The following SUPT3H variants were observed in gnomAD, a reference collection of about 807,000 sequenced individuals.
The protein encoded by SUPT3H is SPT3 homolog, SAGA and STAGA complex component.
A neutral mutation model predicts 44.3 loss-of-function variants in SUPT3H; 44 were observed. The ratio of observed to expected loss-of-function variants is 0.99; its 90% CI spans 0.78 to 1.28. The LOEUF is 1.28. SUPT3H is among the 50% of genes most tolerant of loss of function. The pLI is 0.00. For synonymous variants in SUPT3H, 124 were observed against 125.6 expected (o/e 0.99, Z 0.09); for missense variants, 380 against 387.1 (o/e 0.98, Z 0.15).
intron 2 of SUPT3H, among the ~76,000 whole-genome samples, chr6:45,303,642 T>C (rs867090406): frequency 8.3e-6 from 1 of 119,976 alleles, no homozygotes; most frequent in South Asian, 2.5e-4. Flanking sequence ...TTCTATTTAA[T>C]AGAATGAGAT....
chr6:45,345,681 T>C (rs1050720033), intron 2 of SUPT3H, among the ~76,000 whole-genome samples: 6 of 152,160 alleles, frequency 3.9e-5, no homozygotes, highest in East Asian at 1.9e-4. Context: ...ACTACTACAA[T>C]AGGTCTTTCC....
chr6:44,912,047 C>T (rs1398268218), intron 10 of SUPT3H, among the ~76,000 whole-genome samples: 1 of 152,202 alleles, frequency 6.6e-6, no homozygotes, highest in Admixed American at 6.5e-5. Flanking sequence ...ATCCACAGAA[C>T]TTCATGGAAT....
chr6:44,934,912 A>G (rs1582598919), intron 9 of SUPT3H, among the ~76,000 whole-genome samples: 2 of 152,352 alleles, frequency 1.3e-5, no homozygotes, highest in East Asian at 3.9e-4. Flanking sequence ...TTTGTAAGAT[A>G]TGGAGACACA....
chr6:45,335,864 TA>T (rs909623623), intron 2 of SUPT3H, among the ~76,000 whole-genome samples: 1 of 151,324 alleles, frequency 6.6e-6, no homozygotes, highest in Non-Finnish European at 1.5e-5. Flanking sequence ...AGCATTTCGG[TA>T]ATTCAGCTTT....
At chr6:44,951,851 A>G (rs974342550) in intron 9 of SUPT3H, among the ~76,000 whole-genome samples, 1 of 152,218 alleles carries the variant, frequency 6.6e-6, no homozygotes, top group Admixed American at 6.5e-5. Context: ...ATGTTATAAC[A>G]AATTTGTCTG....
At chr6:45,270,676 A>C (rs770251716) in intron 2 of SUPT3H, among the ~76,000 whole-genome samples, 9 of 152,204 alleles carry the variant, frequency 5.9e-5, no homozygotes, top group Non-Finnish European at 1.2e-4. Context: ...ATGGACTAAT[A>C]CAGTAAACTG....
At chr6:45,292,922 G>T (rs915353005) in intron 2 of SUPT3H, among the ~76,000 whole-genome samples, 2 of 151,288 alleles carry the variant, frequency 1.3e-5, no homozygotes, top group African/African-American at 4.9e-5. Flanking sequence ...GCAGTAGATA[G>T]GTCATTAAGA....
chr6:45,191,908 A>T (rs1366898115), intron 2 of SUPT3H, among the ~76,000 whole-genome samples: 1 of 152,046 alleles, frequency 6.6e-6, no homozygotes, highest in African/African-American at 2.4e-5. Context: ...AAAAAATATT[A>T]ATATACCTCA....
intron 2 of SUPT3H, among the ~76,000 whole-genome samples, chr6:45,274,609 T>C (rs775313385): frequency 2.6e-5 from 4 of 152,202 alleles, no homozygotes; most frequent in Middle Eastern, 3.2e-3. Flanking sequence ...AGCTGGGAAC[T>C]GCAGCTCATG....
chr6:45,094,547 C>T (rs1005904967), intron 3 of SUPT3H, among the ~76,000 whole-genome samples: 31 of 152,084 alleles, frequency 2.0e-4, no homozygotes, highest in African/African-American at 7.2e-4. Flanking sequence ...CTGGGAATTC[C>T]TTCCCAGTTG....
At chr6:45,109,737 C>T (rs1799776627) in intron 2 of SUPT3H, among the ~76,000 whole-genome samples, 1 of 152,168 alleles carries the variant, frequency 6.6e-6, no homozygotes, top group Non-Finnish European at 1.5e-5. Flanking sequence ...AACTGCTGTA[C>T]CTGGCCACAG....
intron 2 of SUPT3H, among the ~76,000 whole-genome samples, chr6:45,288,816 T>C (rs1277267918): frequency 6.6e-6 from 1 of 151,870 alleles, no homozygotes; most frequent in Non-Finnish European, 1.5e-5. Flanking sequence ...AAAAGACATT[T>C]AAAAGAAAGA....
At chr6:44,919,405 G>T (rs1276513929) in intron 10 of SUPT3H, among the ~76,000 whole-genome samples, 1 of 151,862 alleles carries the variant, frequency 6.6e-6, no homozygotes, top group South Asian at 2.1e-4. Context: ...TAATATGTGG[G>T]ACTTTCTGGT....
chr6:45,138,911 C>A (rs1264681020), intron 2 of SUPT3H, among the ~76,000 whole-genome samples: 2 of 152,086 alleles, frequency 1.3e-5, no homozygotes, highest in Non-Finnish European at 2.9e-5. Flanking sequence ...CAATAATGCA[C>A]TTGTATTATT....
chr6:44,841,830 TTATTAAGTGCC>T lies in SUPT3H; in HGVS notation c.913-11984_913-11974del. Among the ~76,000 whole-genome samples the T allele has an allele frequency of 4.6e-5, 7 of 152,324 alleles. No individual in the cohort carries two copies. The Middle Eastern group carries it at 0.02, about 444-fold the overall frequency. Reference sequence around the variant, plus strand: ...TGTTCATTCACTCATTTACAAGTATTTATTAAGTGCCTATGACATGTCAGGCACAGTTCTTA... The same window carrying T: ...TGTTCATTCACTCATTTACAAGTATTTATGACATGTCAGGCACAGTTCTTA... On this transcript the variant is annotated intron_variant, in intron 10 of 10. Coordinates refer to ENST00000371459, the MANE Select transcript of SUPT3H (RefSeq NM_003599.4).
At chr6:44,924,537 C>G (rs963028833) in intron 10 of SUPT3H, among the ~76,000 whole-genome samples, 1 of 151,850 alleles carries the variant, frequency 6.6e-6, no homozygotes, top group South Asian at 2.1e-4. Flanking sequence ...ACAGGTCAAC[C>G]AATAAAGAAA....
chr6:45,241,948 C>T (rs978532353), intron 2 of SUPT3H, among the ~76,000 whole-genome samples: 2 of 152,178 alleles, frequency 1.3e-5, no homozygotes, highest in African/African-American at 2.4e-5. Flanking sequence ...TGAAGGACTA[C>T]ACAAAGTGGT....
At chr6:44,813,612 G>A (rs1263242611) in intron 11 of SUPT3H, among the ~76,000 whole-genome samples, 5 of 142,360 alleles carry the variant, frequency 3.5e-5, no homozygotes, top group Non-Finnish European at 6.1e-5. Context: ...ACATTCCCAA[G>A]CAACCCAAAT....
At chr6:44,907,295 A>G (rs551795629) in intron 10 of SUPT3H, among the ~76,000 whole-genome samples, 1 of 152,334 alleles carries the variant, frequency 6.6e-6, no homozygotes, top group South Asian at 2.1e-4. Context: ...TGGTTAAGCC[A>G]CCAAATCTAT....
Sources: allele counts gnomAD v4.1 joint callset (sites outside exome capture counted in the v4.1 genomes callset), GRCh38; gene constraint gnomAD v4.1.1; transcripts MANE v1.5; gene names NCBI Gene and HGNC (gene_info 2026-07-23, HGNC 2026-07-21).